Variants in CFAP65 observed in about 807,000 individuals in gnomAD.
CFAP65 encodes the protein cilia and flagella associated protein 65.
A neutral mutation model predicts 208.0 loss-of-function variants in CFAP65; 155 were observed. The observed-to-expected ratio is 0.75, with a 90% confidence interval of 0.65 to 0.85. The LOEUF (loss-of-function observed/expected upper bound fraction) is 0.85, where lower values mean the gene tolerates loss of function less well. Ranked by LOEUF, CFAP65 falls within the 40% of genes least tolerant of loss-of-function variation. CFAP65 has a pLI of 0.00. For missense variants in CFAP65, 2,294 were observed against 2,451.3 expected (o/e 0.94, Z 1.36); for synonymous variants, 970 against 986.3 (o/e 0.98, Z 0.31).
Position 219,022,249 on chromosome 2 carries a change from C to G in CFAP65, c.2901G>C (p.Leu967=), listed in dbSNP as rs774901381. ...QVGMWVWEAG[L]SPNANPAATT... is the part of the protein sequence containing the mutation. ...TGGCAGCGGGGTTGGCATTTGGGGACAGGCCGGCTTCCCAGACCCACATCC... is the reference window on the plus strand; with the variant it reads ...TGGCAGCGGGGTTGGCATTTGGGGAGAGGCCGGCTTCCCAGACCCACATCC... Residue 967 remains leucine, a synonymous_variant, in exon 17 of 35, where the codon CTG becomes CTC. Transcript: ENST00000341552. 6 of 1,606,540 alleles carry G rather than the reference C, an allele frequency of 3.7e-6. No homozygotes were observed. The African/African-American group carries it at 6.7e-5, about 18-fold the overall frequency.
rs1948023663 is a variant in CFAP65, at chr2:219,031,437, C to T, written c.815+52G>A. The T allele has an allele frequency of 3.1e-6, 5 of 1,613,144 alleles. No individual in the cohort carries two copies. The Admixed American group carries it at 5.0e-5, about 16-fold the overall frequency. On this transcript the variant is annotated intron_variant, in intron 7 of 34. Coordinates refer to ENST00000341552, the MANE Select transcript of CFAP65 (RefSeq NM_194302.4). This position sits in a 1 kb window ranked among gnomAD's most constrained non-coding sequence, Gnocchi z 5.2. ...TATGCCTGTCTCTCCTGCTTCCAGA[C>T]ACCCTCCTCACAGCTCTTGCTCTCC...
chr2:219,009,990 G>T lies in CFAP65; in HGVS notation c.4404C>A (p.Asn1468Lys), dbSNP rs142761550. The T allele has an allele frequency of 3.7e-6, 6 of 1,612,684 alleles. No homozygotes were observed. The African/African-American group carries it at 8.0e-5, about 22-fold the overall frequency. ...GCTGCCAGGAGAAGGCAATTTCCTC[G>T]TTCTTGGAGATGTTGTTGAGGAAGA... ...RLLFLNNISK[N>K]EEIAFSWQPS... Residue 1468 changes from asparagine to lysine, a missense_variant, in exon 27 of 35, where the codon AAC becomes AAA. By Grantham distance (94) the Asn-to-Lys change is moderately conservative (BLOSUM62 0). Coordinates refer to ENST00000341552, the MANE Select transcript of CFAP65 (RefSeq NM_194302.4).
intron 2 of CFAP65, among the ~76,000 whole-genome samples, chr2:219,039,644 TATA>T (rs1948561575): frequency 6.6e-6 from 1 of 152,230 alleles, no homozygotes; most frequent in Non-Finnish European, 1.5e-5. Flanking sequence ...TAAAATTAAT[TATA>T]ATGATATATT....
chr2:219,029,396 G>T lies in CFAP65; in HGVS notation c.1650+7C>A, dbSNP rs371532395. Reference sequence around the variant, plus strand: ...TCCCTCAGCCTCATGCCCTCCCCACGACTCACCTGGTGGTGGATGAGACAG... The same window carrying T: ...TCCCTCAGCCTCATGCCCTCCCCACTACTCACCTGGTGGTGGATGAGACAG... On this transcript the variant is annotated splice_region_variant and intron_variant, in intron 11 of 34. Coordinates refer to ENST00000341552, the MANE Select transcript of CFAP65 (RefSeq NM_194302.4). 1.2e-6 allele frequency: 2 copies of T among 1,609,940 alleles called. No homozygotes were observed. Among genetic ancestry groups the T allele is most frequent in the South Asian group, 2.2e-5 (2 of 90,622 alleles).
At position 219,032,109 on chromosome 2, in the gene CFAP65, T is replaced by G. The variant is rs1948090503; in HGVS notation, c.645+361A>C. Among the ~76,000 whole-genome samples the G allele has an allele frequency of 1.3e-5, 2 of 151,910 alleles. No individual in the cohort carries two copies. ...TAACTTTTGTATTTTTTAGTAGAGG[T>G]GGGGTTTCGCCATGTCGGCCAGGCT... On this transcript the variant is annotated intron_variant, in intron 6 of 34. Coordinates refer to ENST00000341552, the MANE Select transcript of CFAP65 (RefSeq NM_194302.4). The surrounding 1 kb of genome is among the most constrained non-coding windows in gnomAD (Gnocchi z 5.5).
intron 4 of CFAP65, among the ~76,000 whole-genome samples, chr2:219,036,764 A>G (rs542714652): frequency 1.2e-4 from 18 of 152,298 alleles, no homozygotes; most frequent in Middle Eastern, 6.8e-3. Context: ...TTTATCTTTG[A>G]CCAAGTATTG....
chr2:219,028,249 C>T lies in CFAP65; in HGVS notation c.1803G>A (p.Glu601=). 6.2e-7 allele frequency: 1 copy of T among 1,612,296 alleles called. No individual in the cohort carries two copies. The highest frequency in any genetic ancestry group is 8.5e-7 in the Non-Finnish European group (1 of 1,178,598). Residue 601 remains glutamate, a synonymous_variant, in exon 12 of 35, where the codon GAG becomes GAA. Coordinates refer to ENST00000341552, the MANE Select transcript of CFAP65 (RefSeq NM_194302.4). ...PPDILDAMLK[E]KKLAQDQNGA... The stretch of plus-strand genomic sequence containing the variant: ...CGTTCTGGTCCTGTGCCAGCTTCTT[C>T]TCCTTCAGCATGGCATCCAGGATGT...
intron 31 of CFAP65, 73 bp from the exon 32 acceptor site, chr2:219,005,635 G>T: frequency 6.4e-7 from 1 of 1,572,216 alleles, no homozygotes; most frequent in Non-Finnish European, 8.7e-7. Context: ...AGCAGTGGTG[G>T]TAGCTGCCCA....
intron 9 of CFAP65, 143 bp from the exon 10 acceptor site, chr2:219,030,351 C>A: frequency 2.3e-6 from 2 of 882,866 alleles, no homozygotes; most frequent in Non-Finnish European, 3.6e-6. Flanking sequence ...GGCCAGACTG[C>A]CTCCACCAGG....
In CFAP65 at chr2:219,038,386, T is replaced by G. The variant is rs1212403314; in HGVS notation, c.346A>C (p.Ile116Leu). The change falls in exon 4 of 35, where the codon ATC (isoleucine) becomes CTC (leucine). Residue 116 changes from isoleucine (I) to leucine (L), a missense_variant. Coordinates refer to ENST00000341552, the MANE Select transcript of CFAP65 (RefSeq NM_194302.4). ...GGCTGTATCCTTACCTGGGCGCTGA[T>G]GGTGCTGCAGGCACTCATGGCTGCA... is the stretch of plus-strand genomic sequence containing the variant. The part of the protein sequence containing the change: ...SSAAMSACST[I>L]SAQPASSMDT... 2 of 1,612,888 alleles carry G rather than the reference T, an allele frequency of 1.2e-6. No individual in the cohort carries two copies. Among genetic ancestry groups the G allele is most frequent in the African/African-American group, 1.3e-5 (1 of 74,944 alleles).
intron 2 of CFAP65, 159 bp from the exon 3 acceptor site, chr2:219,039,209 G>A: frequency 1.8e-6 from 1 of 546,714 alleles, no homozygotes; most frequent in South Asian, 4.0e-5. Flanking sequence ...ATACATGTCT[G>A]TTTTCCAGGA....
At position 219,004,494 on chromosome 2, in the gene CFAP65, GC is replaced by G; in HGVS notation, c.5052-40del. ...AGAAGGAGAAGGCCCTTGCTGAGGG[GC>G]CCTGAAGCCCCTGGGGAGCCCTGGC... is the stretch of plus-strand genomic sequence containing the variant. On this transcript the variant is annotated intron_variant, in intron 32 of 34. Coordinates refer to ENST00000341552, the MANE Select transcript of CFAP65 (RefSeq NM_194302.4). The surrounding 1 kb of genome is among the most constrained non-coding windows in gnomAD (Gnocchi z 4.7). 2 of 1,557,132 alleles carry G rather than the reference GC, an allele frequency of 1.3e-6. No homozygotes were observed. Among genetic ancestry groups the G allele is most frequent in the Non-Finnish European group, 1.7e-6 (2 of 1,155,634 alleles).
At chr2:219,017,776 A>G (rs142117015) in intron 21 of CFAP65, among the ~76,000 whole-genome samples, 2 of 151,734 alleles carry the variant, frequency 1.3e-5, no homozygotes, top group Admixed American at 6.6e-5. Flanking sequence ...TCTGCCCCCA[A>G]CCCTCTCCCT....
chr2:219,028,448 G>C, intron 11 of CFAP65, 47 bp from the exon 12 acceptor site: 8 of 1,432,966 alleles, frequency 5.6e-6, no homozygotes, highest in African/African-American at 1.4e-5. Context: ...GGGTGGTAGG[G>C]CAAGGGGGGT....
chr2:219,039,138 A>T lies in CFAP65; in HGVS notation c.-2-88T>A. 4 of 1,163,182 alleles carry T rather than the reference A, an allele frequency of 3.4e-6. No individual in the cohort carries two copies. In the Admixed American group the frequency reaches 9.2e-5, roughly 27 times the overall value. The allele number at this position is 1,163,182 out of a possible 1,614,324, so 72.1% of individuals were successfully genotyped here. ...TGTAGCTGAAATCATATGCAAATAT[A>T]TGTGGCACATATATTTGTATATATG... On this transcript the variant is annotated intron_variant, in intron 2 of 34. Transcript: ENST00000341552.
chr2:219,010,919 T>A lies in CFAP65; in HGVS notation c.4035A>T (p.Glu1345Asp), dbSNP rs1309830945. 1 of 1,613,812 alleles carries A rather than the reference T, an allele frequency of 6.2e-7. No individual in the cohort carries two copies. Among genetic ancestry groups the A allele is most frequent in the Non-Finnish European group, 8.5e-7 (1 of 1,180,026 alleles). The change falls in exon 25 of 35, where the codon GAA becomes GAT. Residue 1345 changes from glutamate (E) to aspartate (D), a missense_variant. Glu to Asp is a conservative substitution (Grantham distance 45, BLOSUM62 2). This residue lies in a region of CFAP65 where 1,427 missense variants were observed against 1,438.7 expected (regional missense o/e 0.99). Coordinates refer to ENST00000341552, the MANE Select transcript of CFAP65 (RefSeq NM_194302.4). ...AAAAGATGGGGTGATCAAAATTTTT[T>A]TCCTGAACCTGTGACAGGACATCGG... ...VQTDVLSQVQ[E>D]KNFDHPIFCC...
At chr2:219,022,109 C>A in intron 17 of CFAP65, 62 bp downstream of exon 17, 1 of 1,516,304 alleles carries the variant, frequency 6.6e-7, no homozygotes, top group Non-Finnish European at 8.9e-7. Flanking sequence ...TCCCTGGGGC[C>A]TTCCCTCCCA....
rs200184798 is a variant in CFAP65 at position 219,021,128 on chromosome 2, C to T, written c.3259+24G>A. ...ATCCTGCATTTCCCCGGCCCCGACT[C>T]TCTATGCCAGGCAGTCTAGGTACCT... is the stretch of plus-strand genomic sequence containing the variant. On this transcript the variant is annotated intron_variant, in intron 19 of 34. Transcript: ENST00000341552. 8 of 1,496,298 alleles carry T rather than the reference C, an allele frequency of 5.3e-6. No homozygotes were observed. The African/African-American group carries it at 8.4e-5, about 16-fold the overall frequency. The allele number at this position is 1,496,298 out of a possible 1,614,324, so 92.7% of individuals were successfully genotyped here. A position where few individuals can be genotyped will look rare whatever the true frequency, so the allele number is the denominator to read the frequency against.
rs113100236 is a variant in CFAP65 at position 219,022,328 on chromosome 2, G to A, written c.2822C>T (p.Thr941Met). Residue 941 changes from threonine (T) to methionine (M), a missense_variant and splice_region_variant, in exon 17 of 35, where the codon ACG (threonine) becomes ATG (methionine). Around this residue, in one of 2 missense-constraint regions of CFAP65, gnomAD observed 1,427 missense variants for 1,438.7 expected, o/e 0.99. Coordinates refer to ENST00000341552, the MANE Select transcript of CFAP65 (RefSeq NM_194302.4). ...RGLIQPNERL[T>M]LTWTFSPLEE... ...CAAAGGGCTGAAGGTCCACGTCAGC[G>A]TCTGGGGTCACAGAAATGATCCCTG... is the stretch of plus-strand genomic sequence containing the variant. The A allele has an allele frequency of 3.1e-4, 497 of 1,595,934 alleles. 1 individual carries two copies. In the East Asian group the frequency reaches 3.8e-3, roughly 12 times the overall value.
Sources: allele counts gnomAD v4.1 joint callset (sites outside exome capture counted in the v4.1 genomes callset), GRCh38; gene constraint gnomAD v4.1.1; regional missense constraint gnomAD v4.1.1; non-coding constraint Gnocchi (gnomAD v3.1); transcripts MANE v1.5; gene names NCBI Gene and HGNC (gene_info 2026-07-23, HGNC 2026-07-21).